Variants in SUGCT observed in about 807,000 individuals in gnomAD.
SUGCT encodes succinyl-CoA:glutarate-CoA transferase, also known as succinyl-CoA:glutarate CoA-transferase.
SUGCT carries 41 observed loss-of-function variants against 55.0 expected under a neutral mutation model. The ratio of observed to expected loss-of-function variants is 0.74; its 90% CI spans 0.58 to 0.97. The LOEUF (loss-of-function observed/expected upper bound fraction) is 0.97. Among genes scored for constraint, SUGCT ranks in the 50% least tolerant of loss-of-function variants. The pLI is 0.00. For missense variants in SUGCT, 568 were observed against 547.8 expected, an observed-to-expected ratio of 1.04 and a Z score of -0.37; for synonymous variants, 187 against 200.4, an observed-to-expected ratio of 0.93 and a Z score of 0.56.
chr7:41,031,077 T>G, the SUGCT span, among the ~76,000 whole-genome samples: 1 of 152,282 alleles, frequency 6.6e-6, no homozygotes, highest in East Asian at 1.9e-4. Context: ...TCTTCCCACT[T>G]CAGCTTCCCA....
At chr7:40,214,046 A>G (rs770875241) in intron 6 of SUGCT, among the ~76,000 whole-genome samples, 1 of 152,348 alleles carries the variant, frequency 6.6e-6, no homozygotes, top group Admixed American at 6.5e-5. Context: ...CTGAAGTCAC[A>G]CAGTGCTTGG....
rs183660934 is a variant in SUGCT at position 40,516,953 on chromosome 7, C to T, written c.1089+20567C>T. On this transcript the variant is annotated intron_variant, in intron 12 of 13. Transcript: ENST00000335693. ...GTCAATATTAATTAAGTCTTCTGAT[C>T]GATGAAGGTGATATGTTTTTCCATT... 3.9e-5 allele frequency among the ~76,000 whole-genome samples: 6 copies of T among 152,084 alleles called. No homozygotes were observed. In the East Asian group the frequency reaches 5.8e-4, roughly 15 times the overall value.
chr7:40,316,451 T>G (rs1202922420), intron 8 of SUGCT, among the ~76,000 whole-genome samples: 1 of 152,186 alleles, frequency 6.6e-6, no homozygotes, highest in Non-Finnish European at 1.5e-5. Flanking sequence ...GCCATGGGTT[T>G]GAGGATAAAG....
intron 12 of SUGCT, among the ~76,000 whole-genome samples, chr7:40,663,408 T>C (rs1801434280): frequency 6.6e-6 from 1 of 152,018 alleles, no homozygotes; most frequent in African/African-American, 2.4e-5. Flanking sequence ...CTTTCTCTCG[T>C]TGGTCTCCAT....
chr7:40,898,583 G>C, the SUGCT span, among the ~76,000 whole-genome samples: 3 of 149,684 alleles, frequency 2.0e-5, no homozygotes, highest in Admixed American at 2.0e-4. Flanking sequence ...ATTATTTTGG[G>C]CGAGGTGGTG....
the SUGCT span, among the ~76,000 whole-genome samples, chr7:40,867,212 G>A: frequency 2.3e-4 from 34 of 148,794 alleles, no homozygotes; most frequent in Non-Finnish European, 8.9e-5. Context: ...TATACCACAT[G>A]CCCCCATATA....
intron 8 of SUGCT, among the ~76,000 whole-genome samples, chr7:40,302,849 G>A (rs1487174495): frequency 6.6e-6 from 1 of 152,114 alleles, no homozygotes; most frequent in Admixed American, 6.6e-5. Flanking sequence ...AAGCCTCAGT[G>A]TAGATAACCA....
At chr7:40,522,084 G>A (rs1256245822) in intron 12 of SUGCT, among the ~76,000 whole-genome samples, 1 of 152,088 alleles carries the variant, frequency 6.6e-6, no homozygotes, top group East Asian at 1.9e-4. Context: ...GTAGGAAGAG[G>A]ATGAAAAGAC....
intron 11 of SUGCT, among the ~76,000 whole-genome samples, chr7:40,479,524 T>G (rs1231956316): frequency 6.6e-6 from 1 of 152,164 alleles, no homozygotes; most frequent in Non-Finnish European, 1.5e-5. Flanking sequence ...ATTTCTGTAT[T>G]AAGTGATGTA....
the SUGCT span, among the ~76,000 whole-genome samples, chr7:40,943,386 C>G: frequency 6.8e-6 from 1 of 147,642 alleles, no homozygotes; most frequent in Non-Finnish European, 1.5e-5. Context: ...CCCATTAACT[C>G]GTCATTTAGC....
the SUGCT span, among the ~76,000 whole-genome samples, chr7:40,974,922 C>G: frequency 6.6e-6 from 1 of 152,128 alleles, no homozygotes; most frequent in Non-Finnish European, 1.5e-5. Context: ...ATAGGAAGTA[C>G]TTGCGAAAAT....
chr7:40,780,816 A>T (rs1372064661), intron 13 of SUGCT, among the ~76,000 whole-genome samples: 1 of 151,228 alleles, frequency 6.6e-6, no homozygotes, highest in African/African-American at 2.4e-5. Flanking sequence ...AACAAATTTA[A>T]AAACACCAGC....
intron 9 of SUGCT, among the ~76,000 whole-genome samples, chr7:40,381,871 G>A (rs775512984): frequency 1.3e-5 from 2 of 152,028 alleles, no homozygotes; most frequent in Non-Finnish European, 2.9e-5. Flanking sequence ...AATCATTTTC[G>A]GTTTATTTCA....
intron 6 of SUGCT, among the ~76,000 whole-genome samples, chr7:40,195,552 C>A (rs572635523): frequency 2.0e-5 from 3 of 151,868 alleles, no homozygotes; most frequent in Admixed American, 6.6e-5. Context: ...GAAACATTAA[C>A]CTAAATGAAT....
At chr7:40,761,126 G>A (rs934198015) in intron 13 of SUGCT, among the ~76,000 whole-genome samples, 1 of 152,172 alleles carries the variant, frequency 6.6e-6, no homozygotes, top group African/African-American at 2.4e-5. Flanking sequence ...GCCAAGTCCT[G>A]GCTGACAAGA....
At chr7:40,707,828 A>G (rs1430721967) in intron 12 of SUGCT, among the ~76,000 whole-genome samples, 1 of 152,230 alleles carries the variant, frequency 6.6e-6, no homozygotes, top group Admixed American at 6.5e-5. Flanking sequence ...TTTGTTTCTT[A>G]CCAAAGAATT....
intron 13 of SUGCT, among the ~76,000 whole-genome samples, chr7:40,759,946 A>G (rs1788451832): frequency 2.6e-5 from 4 of 152,012 alleles, no homozygotes; most frequent in Admixed American, 2.6e-4. Flanking sequence ...TATTCTCAAG[A>G]GTATATAAGT....
At chr7:40,882,483 A>G in the SUGCT span, among the ~76,000 whole-genome samples, 651 of 152,314 alleles carry the variant, frequency 4.3e-3, 7 homozygotes, top group African/African-American at 0.015. Flanking sequence ...GGTAGCACAC[A>G]TCAAGGCTGT....
chr7:41,033,535 T>C, the SUGCT span, among the ~76,000 whole-genome samples: 1 of 152,124 alleles, frequency 6.6e-6, no homozygotes, highest in Admixed American at 6.6e-5. Context: ...GTCTTTATGG[T>C]TTACAAACTT....
Sources: allele counts gnomAD v4.1 joint callset (sites outside exome capture counted in the v4.1 genomes callset), GRCh38; gene constraint gnomAD v4.1.1; transcripts MANE v1.5; gene names NCBI Gene and HGNC (gene_info 2026-07-23, HGNC 2026-07-21).